UBE2D2: variants seen among roughly 807,000 people sequenced by gnomAD.
UBE2D2 encodes the protein ubiquitin conjugating enzyme E2 D2.
A neutral mutation model predicts 24.2 loss-of-function variants in UBE2D2; 2 were observed. The observed-to-expected ratio is 0.08, with a 90% CI of 0.03 to 0.26. The LOEUF (loss-of-function observed/expected upper bound fraction) is 0.26. Among genes scored for constraint, UBE2D2 ranks in the 10% least tolerant of loss-of-function variants. The pLI, the probability that UBE2D2 is intolerant of heterozygous loss-of-function variation, is 1.00. For missense variants in UBE2D2, 44 were observed against 177.6 expected (o/e 0.25, Z 4.28); for synonymous variants, 58 against 56.5 (o/e 1.03, Z -0.12).
chr5:139,532,809 C>T (rs965661878), intron 1 of UBE2D2, among the ~76,000 whole-genome samples: 1 of 151,388 alleles, frequency 6.6e-6, no homozygotes, highest in African/African-American at 2.4e-5. Context: ...TTTTAATGTG[C>T]TAAAAAATGA....
intron 1 of UBE2D2, among the ~76,000 whole-genome samples, chr5:139,529,531 TA>T (rs1239668178): frequency 6.6e-6 from 1 of 151,694 alleles, no homozygotes; most frequent in Non-Finnish European, 1.5e-5. Flanking sequence ...AAAAAGAAAA[TA>T]AAAAAAGATC....
intron 1 of UBE2D2, among the ~76,000 whole-genome samples, chr5:139,568,612 G>A (rs370510567): frequency 4.2e-4 from 63 of 151,766 alleles, no homozygotes; most frequent in African/African-American, 1.5e-3. Flanking sequence ...AGTGGAGATC[G>A]CGCCGCTGCA....
intron 1 of UBE2D2, among the ~76,000 whole-genome samples, chr5:139,586,876 A>T (rs979925896): frequency 6.6e-6 from 1 of 152,220 alleles, no homozygotes; most frequent in South Asian, 2.1e-4. Flanking sequence ...CGTTTACTTT[A>T]TCAGCATAAA....
chr5:139,563,616 ATG>A (rs1396330165), intron 1 of UBE2D2, among the ~76,000 whole-genome samples: 1 of 152,196 alleles, frequency 6.6e-6, no homozygotes. Flanking sequence ...AGTGGGTATA[ATG>A]TGTAATAATT....
In UBE2D2 at chr5:139,528,335, C is replaced by CA. The variant is rs796471640; in HGVS notation, c.-64+1734dup. ...CCTTTCACCCTGGCATTTCATCAAC[C>CA]AAAAAAAAAAAGAAAAAAGAAAAAC... On this transcript the variant is annotated intron_variant, in intron 1 of 6. Coordinates refer to the UBE2D2 transcript ENST00000511725. Among the ~76,000 whole-genome samples the CA allele has an allele frequency of 2.3e-3, 318 of 141,138 alleles. 1 individual carries two copies. The highest frequency in any genetic ancestry group is 4.2e-3 in the African/African-American group (162 of 38,684). 92.6% of individuals were successfully genotyped at this position (141,138 alleles called of 152,430 possible). A position where few individuals can be genotyped will look rare whatever the true frequency, so the allele number is the denominator to read the frequency against.
intron 1 of UBE2D2, among the ~76,000 whole-genome samples, chr5:139,585,651 C>G (rs1425463483): frequency 6.6e-6 from 1 of 152,020 alleles, no homozygotes; most frequent in Non-Finnish European, 1.5e-5. Flanking sequence ...CCCTACTAAG[C>G]ATTAATCCAC....
At chr5:139,549,611 T>C (rs1205940968) in intron 1 of UBE2D2, among the ~76,000 whole-genome samples, 1 of 152,208 alleles carries the variant, frequency 6.6e-6, no homozygotes, top group Admixed American at 6.5e-5. Context: ...CAGCCCGCCA[T>C]GCCTGAACAC....
At chr5:139,569,739 C>G (rs1753311740) in intron 1 of UBE2D2, among the ~76,000 whole-genome samples, 2 of 152,162 alleles carry the variant, frequency 1.3e-5, no homozygotes, top group Non-Finnish European at 2.9e-5. Context: ...TGTGACCTAC[C>G]AGGTAAGAGT....
At chr5:139,587,683 A>C (rs1305044685) in intron 1 of UBE2D2, among the ~76,000 whole-genome samples, 3 of 151,326 alleles carry the variant, frequency 2.0e-5, no homozygotes, top group Middle Eastern at 3.2e-3. Flanking sequence ...AAAAAAAAAA[A>C]AAAAAAAAAA....
upstream of UBE2D2, chr5:139,526,379 C>T (rs952311521): frequency 6.6e-6 from 1 of 152,232 alleles, no homozygotes; most frequent in Non-Finnish European, 1.5e-5. Context: ...AGCAAGGTGA[C>T]TGACAGACGG....
chr5:139,600,262 A>T, intron 1 of UBE2D2, 110 bp from the exon 2 acceptor site: 1 of 1,173,510 alleles, frequency 8.5e-7, no homozygotes, highest in Non-Finnish European at 1.2e-6. Flanking sequence ...GAATGCTCTT[A>T]AGAGAGTTTC....
chr5:139,532,232 T>C (rs987695798), intron 1 of UBE2D2, among the ~76,000 whole-genome samples: 18 of 151,076 alleles, frequency 1.2e-4, no homozygotes, highest in Non-Finnish European at 1.8e-4. Flanking sequence ...TGAAGTACAG[T>C]GGCACGATCT....
In UBE2D2 at chr5:139,600,365, TC is replaced by T; in HGVS notation, c.25-6del. 1.2e-6 allele frequency: 2 copies of T among 1,613,866 alleles called. No individual in the cohort carries two copies. The highest frequency in any genetic ancestry group is 3.3e-5 in the Admixed American group (2 of 59,984). ...GAATATATTTCTTTTCTTTCTTTTT[TC>T]TGTAGGAATTGAATGATCTGGCACG... On this transcript the variant is annotated splice_region_variant and splice_polypyrimidine_tract_variant and intron_variant, in intron 1 of 6. Coordinates refer to ENST00000398733, the MANE Select transcript of UBE2D2 (RefSeq NM_003339.3).
At chr5:139,591,626 A>G (rs1474652737) in intron 1 of UBE2D2, among the ~76,000 whole-genome samples, 1 of 152,200 alleles carries the variant, frequency 6.6e-6, no homozygotes, top group Non-Finnish European at 1.5e-5. Context: ...TGAGAGTGCT[A>G]AGGGATTAAG....
At chr5:139,563,023 C>G (rs140573739) in intron 1 of UBE2D2, among the ~76,000 whole-genome samples, 1 of 152,284 alleles carries the variant, frequency 6.6e-6, no homozygotes, top group Non-Finnish European at 1.5e-5. Context: ...AGCTAGCCTC[C>G]TGTCTCTGCC....
rs542829615 is a variant in UBE2D2 at position 139,561,846 on chromosome 5, G to A, written c.24+31G>A. ...CGGCCGGAGGTCGGCTGCGCTGCTG[G>A]CCAGCTGAGCAGGCTGCGGCCTGCA... On this transcript the variant is annotated intron_variant, in intron 1 of 6. Transcript: ENST00000398733. The A allele has an allele frequency of 4.1e-6, 6 of 1,475,374 alleles. No homozygotes were observed. The African/African-American group carries it at 4.4e-5, about 11-fold the overall frequency. 91.4% of individuals were successfully genotyped at this position (1,475,374 alleles called of 1,614,324 possible). A position where few individuals can be genotyped will look rare whatever the true frequency, so the allele number is the denominator to read the frequency against.
intron 1 of UBE2D2, among the ~76,000 whole-genome samples, chr5:139,596,568 A>G (rs1753963860): frequency 6.6e-6 from 1 of 151,620 alleles, no homozygotes; most frequent in African/African-American, 2.4e-5. Flanking sequence ...CTGGGATTAC[A>G]GGTGTGAGCT....
chr5:139,595,598 G>C (rs1167674120), intron 1 of UBE2D2, among the ~76,000 whole-genome samples: 21 of 151,872 alleles, frequency 1.4e-4, no homozygotes, highest in Admixed American at 1.4e-3. Flanking sequence ...GGCTGGTCTC[G>C]AACTCCTGAC....
chr5:139,612,740 A>G (rs991595524), intron 2 of UBE2D2, among the ~76,000 whole-genome samples: 6 of 152,218 alleles, frequency 3.9e-5, no homozygotes, highest in Non-Finnish European at 7.3e-5. Context: ...GTGATTAAAA[A>G]TAGAGTGAGA....
Sources: gnomAD v4.1 joint callset for allele counts (sites outside exome capture counted in the v4.1 genomes callset) on GRCh38, gnomAD v4.1.1 for gene constraint, MANE v1.5 for transcripts, NCBI Gene and HGNC (gene_info 2026-07-23, HGNC 2026-07-21) for gene names.